Variants in TBC1D4 observed in about 807,000 individuals in gnomAD.
TBC1D4 encodes the protein TBC (Tre-2, BUB2, CDC16) domain-containing protein.
Under a neutral mutation model 142.5 loss-of-function variants are expected in TBC1D4, and 121 were observed. The ratio of observed to expected loss-of-function variants is 0.85; its 90% CI spans 0.73 to 0.99. The LOEUF is 0.99. TBC1D4 is among the 50% of genes least tolerant of loss of function. The pLI is 0.00. For synonymous variants in TBC1D4, 630 were observed against 628.2 expected, an observed-to-expected ratio of 1.00 and a Z score of -0.04; for missense variants, 1,475 against 1,606.6, an observed-to-expected ratio of 0.92 and a Z score of 1.40.
chr13:75,474,342 G>A (rs1051865889), intron 1 of TBC1D4, among the ~76,000 whole-genome samples: 1 of 152,208 alleles, frequency 6.6e-6, no homozygotes, highest in African/African-American at 2.4e-5. Flanking sequence ...GGCGGATCAC[G>A]AGGTCAGGAA....
At chr13:75,441,880 G>A (rs1394695485) in intron 1 of TBC1D4, among the ~76,000 whole-genome samples, 2 of 152,156 alleles carry the variant, frequency 1.3e-5, no homozygotes, top group Non-Finnish European at 2.9e-5. Context: ...ATACATGTCT[G>A]TTTTACCTCT....
chr13:75,399,123 C>T (rs558134272), intron 1 of TBC1D4, among the ~76,000 whole-genome samples: 15 of 152,184 alleles, frequency 9.9e-5, no homozygotes, highest in South Asian at 2.1e-4. Flanking sequence ...AGGCGGATCA[C>T]GAGGTCAGGA....
intron 15 of TBC1D4, among the ~76,000 whole-genome samples, chr13:75,304,285 T>G (rs189597292): frequency 6.6e-6 from 1 of 152,302 alleles, no homozygotes; most frequent in African/African-American, 2.4e-5. Flanking sequence ...AAAAAGCAAC[T>G]TCATTCCAGT....
chr13:75,399,826 A>G (rs967416628), intron 1 of TBC1D4, among the ~76,000 whole-genome samples: 6 of 152,206 alleles, frequency 3.9e-5, no homozygotes, highest in African/African-American at 1.4e-4. Context: ...GCACCCCAGT[A>G]TGAAGAAGGC....
At chr13:75,441,176 A>C (rs1887023193) in intron 1 of TBC1D4, among the ~76,000 whole-genome samples, 1 of 152,110 alleles carries the variant, frequency 6.6e-6, no homozygotes, top group Non-Finnish European at 1.5e-5. Flanking sequence ...GAATCACTTG[A>C]ACCTGGGAGG....
intron 1 of TBC1D4, among the ~76,000 whole-genome samples, chr13:75,447,211 C>A (rs17256822): frequency 0.21 from 31,442 of 151,984 alleles, 3,743 homozygotes; most frequent in Non-Finnish European, 0.27. Context: ...AAACTTATAT[C>A]AACGGTAGAA....
chr13:75,385,022 A>C lies in TBC1D4; in HGVS notation c.499-22415T>G, dbSNP rs1030392305. On this transcript the variant is annotated intron_variant, in intron 1 of 20. Coordinates refer to ENST00000377636, the MANE Select transcript of TBC1D4 (RefSeq NM_014832.5). ...ATAAGGCACATCAGCAGATAATAAG[A>C]TGTCCTCAGAGAAGGAGGAACAAAG... 4.6e-5 allele frequency among the ~76,000 whole-genome samples: 7 copies of C among 152,344 alleles called. No homozygotes were observed. In the East Asian group the frequency reaches 1.3e-3, roughly 29 times the overall value.
intron 1 of TBC1D4, among the ~76,000 whole-genome samples, chr13:75,480,038 A>AAAAC (rs1555327219): frequency 6.6e-6 from 1 of 151,982 alleles, no homozygotes; most frequent in Non-Finnish European, 1.5e-5. Context: ...TCTCAAAAAA[A>AAAAC]AAAAACCTAT....
In TBC1D4 at chr13:75,411,445, T is replaced by A. The variant is rs141800643; in HGVS notation, c.499-48838A>T. Among the ~76,000 whole-genome samples, 261 of 152,260 alleles carry A rather than the reference T, an allele frequency of 1.7e-3. 2 individuals carry two copies. The highest frequency in any genetic ancestry group is 6.1e-3 in the African/African-American group (252 of 41,566). On this transcript the variant is annotated intron_variant, in intron 1 of 20. Transcript: ENST00000377636. ...GCCAAGGGCCATTTGGTTAAAGTGT[T>A]TCAAAAAATAATACTGAAATGGTTC...
intron 1 of TBC1D4, among the ~76,000 whole-genome samples, chr13:75,399,851 A>G (rs565795059): frequency 6.6e-6 from 1 of 152,262 alleles, no homozygotes; most frequent in East Asian, 1.9e-4. Context: ...AGTTTCTACT[A>G]TTGAGCTCTA....
Position 75,306,386 on chromosome 13 carries a change from C to G in TBC1D4, c.2679G>C (p.Trp893Cys). 1 of 1,613,178 alleles carries G rather than the reference C, an allele frequency of 6.2e-7. No individual in the cohort carries two copies. The highest frequency in any genetic ancestry group is 8.5e-7 in the Non-Finnish European group (1 of 1,179,772). ...GACQKEVLIT[W>C]DKKLLNCRAK... ...CTCTGCAGTTTAACAACTTCTTATC[C>G]CAAGTTATTAAGACCTCTTTCTGAC... Residue 893 changes from tryptophan to cysteine, a missense_variant, in exon 15 of 21, where the codon TGG becomes TGC. By Grantham distance (215) the Trp-to-Cys change is radical (BLOSUM62 -2). This residue lies in a region of TBC1D4 where 1,227 missense variants were observed against 1,267.7 expected (regional missense o/e 0.97). Coordinates refer to ENST00000377636, the MANE Select transcript of TBC1D4 (RefSeq NM_014832.5).
intron 1 of TBC1D4, among the ~76,000 whole-genome samples, chr13:75,401,585 G>A (rs1375417103): frequency 1.3e-5 from 2 of 152,096 alleles, no homozygotes; most frequent in Non-Finnish European, 2.9e-5. Flanking sequence ...ATAATACTCT[G>A]GCAATAAGAA....
chr13:75,314,727 G>A (rs1362890098), intron 12 of TBC1D4, among the ~76,000 whole-genome samples: 3 of 152,020 alleles, frequency 2.0e-5, no homozygotes, highest in Non-Finnish European at 4.4e-5. Context: ...AGCACTTTGG[G>A]AGGCCGAGGC....
chr13:75,359,912 A>C, intron 2 of TBC1D4, 54 bp from the exon 3 acceptor site: 1 of 1,361,172 alleles, frequency 7.3e-7, no homozygotes, highest in South Asian at 1.2e-5. Context: ...CTAACATCTT[A>C]CTTTATAACC....
At chr13:75,481,195 TCCCC>T in intron 1 of TBC1D4, 71 bp downstream of exon 1, 137 of 1,292,516 alleles carry the variant, frequency 1.1e-4, no homozygotes, top group East Asian at 3.7e-4. Context: ...TAAAGTGGGG[TCCCC>T]GCCCCTCCCG....
At chr13:75,361,949 TG>T in intron 2 of TBC1D4, 76 bp downstream of exon 2, 2 of 1,504,570 alleles carry the variant, frequency 1.3e-6, no homozygotes, top group South Asian at 2.3e-5. Flanking sequence ...GAGGTGGAGC[TG>T]GGAGGAACTG....
At chr13:75,305,301 G>T (rs1877061797) in intron 15 of TBC1D4, among the ~76,000 whole-genome samples, 1 of 152,152 alleles carries the variant, frequency 6.6e-6, no homozygotes, top group Admixed American at 6.5e-5. Context: ...GCCTAAAAAT[G>T]GACTAGTACA....
intron 12 of TBC1D4, among the ~76,000 whole-genome samples, chr13:75,315,874 T>C (rs1023645591): frequency 7.9e-5 from 12 of 152,296 alleles, no homozygotes; most frequent in Middle Eastern, 6.8e-3. Context: ...CTGGTAGGTA[T>C]TGACCATGAC....
At chr13:75,386,869 TCTC>T (rs773722040) in intron 1 of TBC1D4, among the ~76,000 whole-genome samples, 97 of 152,270 alleles carry the variant, frequency 6.4e-4, no homozygotes, top group Non-Finnish European at 1.3e-3. Context: ...AGTTTTGTGA[TCTC>T]CTTTTTGTGC....
Sources: gnomAD v4.1 joint callset for allele counts (sites outside exome capture counted in the v4.1 genomes callset) on GRCh38, gnomAD v4.1.1 for gene constraint, gnomAD v4.1.1 regional missense constraint, MANE v1.5 for transcripts, NCBI Gene and HGNC (gene_info 2026-07-23, HGNC 2026-07-21) for gene names.